F13A1: variants seen among roughly 807,000 people sequenced by gnomAD.
F13A1 encodes coagulation factor XIII A chain, also known as FSF, A subunit.
Under a neutral mutation model 80.1 loss-of-function variants are expected in F13A1, and 47 were observed. That is an observed-to-expected ratio of 0.59 (90% CI 0.46 to 0.75). The LOEUF is 0.75. Ranked by LOEUF, F13A1 falls within the 30% of genes least tolerant of loss-of-function variation. The pLI, the probability that F13A1 is intolerant of heterozygous loss-of-function variation, is 0.00. For synonymous variants in F13A1, 349 were observed against 344.9 expected (o/e 1.01, Z -0.13); for missense variants, 817 against 930.4 (o/e 0.88, Z 1.59).
At position 6,268,687 on chromosome 6, in the gene F13A1, ATT is replaced by A. The variant is rs71540894; in HGVS notation, c.320-1880_320-1879del. On this transcript the variant is annotated intron_variant, in intron 3 of 14. Transcript: ENST00000264870. ...GTAGGGGCTGGCTGAGGGGGCACTC[ATT>A]TTTTTTTTTTTTTTTTGAGAAGGAC... Among the ~76,000 whole-genome samples the A allele has an allele frequency of 2.6e-3, 357 of 137,332 alleles. 1 individual carries two copies. Among genetic ancestry groups the A allele is most frequent in the African/African-American group, 7.6e-3 (282 of 37,032 alleles). 90.1% of individuals were successfully genotyped at this position (137,332 alleles called of 152,430 possible). A position where few individuals can be genotyped will look rare whatever the true frequency, so the allele number is the denominator to read the frequency against.
chr6:6,246,487 C>T (rs1332324544), intron 6 of F13A1, among the ~76,000 whole-genome samples: 1 of 152,198 alleles, frequency 6.6e-6, no homozygotes, highest in Non-Finnish European at 1.5e-5. Flanking sequence ...TACCCCTTAA[C>T]ACCCAAATTC....
chr6:6,253,049 C>T (rs1430527566), intron 4 of F13A1, among the ~76,000 whole-genome samples: 1 of 149,042 alleles, frequency 6.7e-6, no homozygotes, highest in Non-Finnish European at 1.5e-5. Flanking sequence ...ATCCTAGCTA[C>T]TCGGGAGGCT....
intron 3 of F13A1, among the ~76,000 whole-genome samples, chr6:6,271,831 C>T (rs1262686990): frequency 2.0e-5 from 3 of 152,214 alleles, no homozygotes; most frequent in African/African-American, 4.8e-5. Flanking sequence ...GACCATATGC[C>T]TATATTCGAA....
At chr6:6,251,546 A>G (rs898834295) in intron 4 of F13A1, among the ~76,000 whole-genome samples, 4 of 152,158 alleles carry the variant, frequency 2.6e-5, no homozygotes, top group African/African-American at 9.7e-5. Context: ...CTAGAATTTC[A>G]GGAGGATCAT....
intron 3 of F13A1, among the ~76,000 whole-genome samples, chr6:6,274,412 A>T (rs899342177): frequency 9.9e-5 from 15 of 152,246 alleles, no homozygotes; most frequent in African/African-American, 3.6e-4. Context: ...GAAAGAAATC[A>T]TAAGGCTGTC....
In F13A1 at chr6:6,224,792, G is replaced by C; in HGVS notation, c.867C>G (p.Pro289=). 6.2e-7 allele frequency: 1 copy of C among 1,614,092 alleles called. No individual in the cohort carries two copies. The highest frequency in any genetic ancestry group is 1.1e-5 in the South Asian group (1 of 91,082). The change falls in exon 7 of 15, where the codon CCC becomes CCG. Residue 289 remains proline (P), a synonymous_variant. Transcript: ENST00000264870. ...CAACGCTTCCAGTCCAGGCCGATGG[G>C]GGGACGCCATAGGCATAGATATTGT... ...SWDNIYAYGV[P]PSAWTGSVDI...
intron 13 of F13A1, among the ~76,000 whole-genome samples, chr6:6,164,453 A>G (rs544414992): frequency 6.6e-6 from 1 of 152,234 alleles, no homozygotes; most frequent in South Asian, 2.1e-4. Flanking sequence ...GTTTATCTAC[A>G]TAACAAACCT....
intron 3 of F13A1, among the ~76,000 whole-genome samples, chr6:6,268,838 A>G (rs974407274): frequency 9.9e-5 from 15 of 151,600 alleles, no homozygotes; most frequent in Non-Finnish European, 4.4e-5. Context: ...ACAGGCACCC[A>G]CCACCATGCC....
intron 14 of F13A1, among the ~76,000 whole-genome samples, chr6:6,148,306 T>G (rs986988281): frequency 6.6e-6 from 1 of 152,142 alleles, no homozygotes; most frequent in Admixed American, 6.6e-5. Context: ...GTTGGCTCAC[T>G]GCGAGTGAGG....
intron 10 of F13A1, among the ~76,000 whole-genome samples, chr6:6,185,892 T>C (rs1300450713): frequency 6.6e-6 from 1 of 151,078 alleles, no homozygotes. Context: ...TGTTGTTTCC[T>C]GACTTTTTAA....
chr6:6,197,132 T>A (rs1370110573), intron 9 of F13A1, 91 bp downstream of exon 9: 3 of 1,205,874 alleles, frequency 2.5e-6, no homozygotes, highest in Non-Finnish European at 3.7e-6. Flanking sequence ...TGCCTCCCAA[T>A]GGGCGTGGTT....
At chr6:6,200,152 C>T (rs1434522110) in intron 8 of F13A1, among the ~76,000 whole-genome samples, 1 of 152,064 alleles carries the variant, frequency 6.6e-6, no homozygotes, top group Non-Finnish European at 1.5e-5. Context: ...ACTTGTGATG[C>T]TCTGGATTGG....
chr6:6,245,723 C>T (rs1179594914), intron 6 of F13A1, among the ~76,000 whole-genome samples: 1 of 152,208 alleles, frequency 6.6e-6, no homozygotes, highest in Non-Finnish European at 1.5e-5. Context: ...CCACTCTCTC[C>T]AGATACCCAG....
chr6:6,262,357 G>C (rs568691096), intron 4 of F13A1, among the ~76,000 whole-genome samples: 2 of 152,250 alleles, frequency 1.3e-5, no homozygotes, highest in African/African-American at 4.8e-5. Context: ...CACAGATGTT[G>C]TGTGTGGCTG....
chr6:6,152,110 C>T (rs982438801), intron 13 of F13A1, among the ~76,000 whole-genome samples, 161 bp from the exon 14 acceptor site: 1 of 152,094 alleles, frequency 6.6e-6, no homozygotes, highest in Non-Finnish European at 1.5e-5. Flanking sequence ...CTGGAGGATA[C>T]CTATTGAGAA....
chr6:6,294,712 T>TC (rs1758292551), intron 3 of F13A1, among the ~76,000 whole-genome samples: 1 of 126,194 alleles, frequency 7.9e-6, no homozygotes, highest in East Asian at 1.9e-4. Context: ...TGGTAGAGAT[T>TC]CTTTTTTTTT....
chr6:6,217,795 G>C (rs1757124380), intron 8 of F13A1, among the ~76,000 whole-genome samples: 1 of 152,190 alleles, frequency 6.6e-6, no homozygotes, highest in South Asian at 2.1e-4. Flanking sequence ...ATGAGAATTA[G>C]GATTATACAC....
At chr6:6,158,149 T>C (rs1054324577) in intron 13 of F13A1, among the ~76,000 whole-genome samples, 15 of 152,070 alleles carry the variant, frequency 9.9e-5, no homozygotes, top group Admixed American at 7.9e-4. Flanking sequence ...CTTTCCTTGC[T>C]CAGAGTCCCT....
At chr6:6,230,679 CAG>C (rs1215912747) in intron 6 of F13A1, among the ~76,000 whole-genome samples, 5 of 152,184 alleles carry the variant, frequency 3.3e-5, no homozygotes, top group African/African-American at 1.2e-4. Flanking sequence ...AGAACCCTAA[CAG>C]TGTCCATTGT....
Sources: gnomAD v4.1 joint callset for allele counts (sites outside exome capture counted in the v4.1 genomes callset) on GRCh38, gnomAD v4.1.1 for gene constraint, MANE v1.5 for transcripts, NCBI Gene and HGNC (gene_info 2026-07-23, HGNC 2026-07-21) for gene names.